The following NELL1 variants were observed in gnomAD, a reference collection of about 807,000 sequenced individuals.
NELL1 encodes the protein protein kinase C-binding protein NELL1.
A neutral mutation model predicts 107.4 loss-of-function variants in NELL1; 76 were observed. That is an observed-to-expected ratio of 0.71 (90% CI 0.59 to 0.86). The LOEUF (loss-of-function observed/expected upper bound fraction) is 0.86, where lower values mean the gene tolerates loss of function less well. Ranked by LOEUF, NELL1 falls within the 40% of genes least tolerant of loss-of-function variation. NELL1 has a pLI of 0.00. For missense variants in NELL1, 1,024 were observed against 1,005.5 expected, an observed-to-expected ratio of 1.02 and a Z score of -0.25; for synonymous variants, 353 against 341.2, an observed-to-expected ratio of 1.03 and a Z score of -0.38.
chr11:21,280,476 TCA>T (rs1848968314), intron 14 of NELL1, among the ~76,000 whole-genome samples: 1 of 152,134 alleles, frequency 6.6e-6, no homozygotes. Flanking sequence ...CTTTTCCCCA[TCA>T]CTCAGCAGGA....
chr11:20,782,210 C>A (rs1304215607), intron 2 of NELL1, among the ~76,000 whole-genome samples: 2 of 152,166 alleles, frequency 1.3e-5, no homozygotes, highest in African/African-American at 4.8e-5. Context: ...AAGATGCTAT[C>A]TCTTTTCTCA....
chr11:21,117,124 C>A (rs1206852622), intron 13 of NELL1, among the ~76,000 whole-genome samples: 1 of 151,788 alleles, frequency 6.6e-6, no homozygotes, highest in African/African-American at 2.4e-5. Context: ...TTATGGAAGT[C>A]TTTTTCCTCT....
At chr11:20,966,057 T>C (rs1346191767) in intron 12 of NELL1, among the ~76,000 whole-genome samples, 1 of 152,162 alleles carries the variant, frequency 6.6e-6, no homozygotes, top group Non-Finnish European at 1.5e-5. Context: ...TCTTCTCAAG[T>C]GTGGGCTTCA....
chr11:20,868,534 A>T (rs965838418), intron 4 of NELL1, among the ~76,000 whole-genome samples: 2 of 152,146 alleles, frequency 1.3e-5, no homozygotes, highest in African/African-American at 4.8e-5. Context: ...GTGAAATGGT[A>T]ATTTTTTGTT....
intron 10 of NELL1, among the ~76,000 whole-genome samples, chr11:20,943,055 G>GTT (rs5790149): frequency 3.5e-5 from 5 of 142,492 alleles, no homozygotes; most frequent in African/African-American, 1.0e-4. Context: ...ATCTTTTACT[G>GTT]TTTTTTTTTT....
At chr11:21,466,302 T>C (rs1854029195) in intron 15 of NELL1, among the ~76,000 whole-genome samples, 1 of 152,108 alleles carries the variant, frequency 6.6e-6, no homozygotes, top group African/African-American at 2.4e-5. Flanking sequence ...GCTGGATTCA[T>C]AAGGGATAGG....
intron 14 of NELL1, among the ~76,000 whole-genome samples, chr11:21,351,882 A>G (rs1477009811): frequency 2.0e-5 from 3 of 152,152 alleles, no homozygotes; most frequent in African/African-American, 7.2e-5. Context: ...AAATCTTCCA[A>G]TGCTTCTTAA....
At chr11:21,246,186 C>A (rs961031205) in intron 14 of NELL1, among the ~76,000 whole-genome samples, 5 of 152,114 alleles carry the variant, frequency 3.3e-5, no homozygotes, top group Admixed American at 2.0e-4. Flanking sequence ...TCATTTAAAT[C>A]ATACCAGTTT....
Position 20,730,139 on chromosome 11 carries a change from C to A in NELL1, c.184+52079C>A, listed in dbSNP as rs139156897. On this transcript the variant is annotated intron_variant, in intron 2 of 19. Coordinates refer to ENST00000357134, the MANE Select transcript of NELL1 (RefSeq NM_006157.5). ...GGTACCATGTAGGAACTGTGAATTA[C>A]AGGCAGATCCAAGTTTGATTCCTGT... 7.9e-3 allele frequency among the ~76,000 whole-genome samples: 1,199 copies of A among 152,312 alleles called. 13 individuals are homozygous for A. The highest frequency in any genetic ancestry group is 0.028 in the African/African-American group (1,146 of 41,576).
chr11:20,781,515 T>C (rs1856849547), intron 2 of NELL1, among the ~76,000 whole-genome samples: 1 of 152,196 alleles, frequency 6.6e-6, no homozygotes, highest in Non-Finnish European at 1.5e-5. Context: ...AGGATATTCA[T>C]ATCCATTTCC....
chr11:21,341,106 T>C (rs1162477333), intron 14 of NELL1, among the ~76,000 whole-genome samples: 1 of 152,136 alleles, frequency 6.6e-6, no homozygotes, highest in Non-Finnish European at 1.5e-5. Context: ...AAGTGTGTAG[T>C]TAGACCTGGG....
intron 15 of NELL1, among the ~76,000 whole-genome samples, chr11:21,513,625 A>G (rs1855492179): frequency 6.6e-6 from 1 of 152,200 alleles, no homozygotes; most frequent in Non-Finnish European, 1.5e-5. Context: ...AACTAAGCTA[A>G]AATAGAATGA....
intron 2 of NELL1, among the ~76,000 whole-genome samples, chr11:20,731,612 G>T (rs1187043418): frequency 6.6e-6 from 1 of 152,182 alleles, no homozygotes; most frequent in East Asian, 1.9e-4. Context: ...GATTATGTGT[G>T]CATAGTAATT....
chr11:21,062,991 C>A (rs1013215639), intron 12 of NELL1, among the ~76,000 whole-genome samples: 1 of 148,066 alleles, frequency 6.8e-6, no homozygotes, highest in Non-Finnish European at 1.5e-5. Flanking sequence ...CCAAGCCCAG[C>A]TAATGTGTGT....
chr11:21,363,145 A>G (rs1565188300), intron 14 of NELL1, among the ~76,000 whole-genome samples: 3 of 152,038 alleles, frequency 2.0e-5, no homozygotes, highest in Non-Finnish European at 4.4e-5. Flanking sequence ...ACCACTGCCA[A>G]TTTCAGGTGA....
At chr11:21,177,097 G>A (rs2133819436) in intron 13 of NELL1, among the ~76,000 whole-genome samples, 1 of 151,746 alleles carries the variant, frequency 6.6e-6, no homozygotes, top group Admixed American at 6.6e-5. Flanking sequence ...TCCCTTCTTT[G>A]TGGTGAGAAC....
chr11:21,573,439 C>T, intron 19 of NELL1, 30 bp downstream of exon 19: 1 of 1,588,704 alleles, frequency 6.3e-7, no homozygotes, highest in Non-Finnish European at 8.6e-7. Context: ...ATATTGAAGC[C>T]TTGAACAATT....
At chr11:20,846,701 A>G (rs1848707509) in intron 3 of NELL1, among the ~76,000 whole-genome samples, 1 of 152,198 alleles carries the variant, frequency 6.6e-6, no homozygotes, top group Non-Finnish European at 1.5e-5. Context: ...AGATAATACC[A>G]GTCTCAGGTT....
chr11:21,290,832 C>T (rs1042719420), intron 14 of NELL1, among the ~76,000 whole-genome samples: 3 of 152,036 alleles, frequency 2.0e-5, no homozygotes, highest in South Asian at 4.1e-4. Context: ...AAACCCCATC[C>T]GAAGATCACC....
Sources: allele counts gnomAD v4.1 joint callset (sites outside exome capture counted in the v4.1 genomes callset), GRCh38; gene constraint gnomAD v4.1.1; transcripts MANE v1.5; gene names NCBI Gene and HGNC (gene_info 2026-07-23, HGNC 2026-07-21).